OLAH: variants seen among roughly 807,000 people sequenced by gnomAD.
OLAH encodes oleoyl-ACP hydrolase, also known as S-acyl fatty acid synthase thioesterase, medium chain.
Under a neutral mutation model 27.8 loss-of-function variants are expected in OLAH, and 33 were observed. The ratio of observed to expected loss-of-function variants is 1.19; its 90% confidence interval spans 0.90 to 1.59. OLAH has a LOEUF of 1.59. Ranked by LOEUF, OLAH falls within the 40% of genes most tolerant of loss-of-function variation. OLAH has a pLI of 0.00. For missense variants in OLAH, 359 were observed against 310.8 expected (o/e 1.16, Z -1.17); for synonymous variants, 120 against 102.9 (o/e 1.17, Z -1.01).
intron 6 of OLAH, among the ~76,000 whole-genome samples, chr10:15,070,581 T>C (rs1844564256): frequency 6.6e-6 from 1 of 151,724 alleles, no homozygotes; most frequent in South Asian, 2.1e-4. Flanking sequence ...GCCTTCCAGG[T>C]TCAAGGGATT....
At chr10:15,061,658 C>T in intron 3 of OLAH, 66 bp from the exon 4 acceptor site, 1 of 1,415,896 alleles carries the variant, frequency 7.1e-7, no homozygotes, top group Non-Finnish European at 9.3e-7. Flanking sequence ...AATATGAGCC[C>T]TTTTATAACA....
rs558312045 is a variant in OLAH, at chr10:15,073,477, C to T, written c.*248C>T. The T allele has an allele frequency of 2.6e-5, 8 of 301,898 alleles. No homozygotes were observed. Among genetic ancestry groups the T allele is most frequent in the Admixed American group, 1.5e-4 (3 of 19,626 alleles). 18.7% of individuals were successfully genotyped at this position (301,898 alleles called of 1,614,324 possible). ...AGATCGAGACCGTCCTGGCTAACACCGTGAAACCCCATCTCTACTAAAAAT... is the reference window on the plus strand; with the variant it reads ...AGATCGAGACCGTCCTGGCTAACACTGTGAAACCCCATCTCTACTAAAAAT... On this transcript the variant is annotated 3_prime_UTR_variant, in exon 8 of 8. Coordinates refer to ENST00000378228, the MANE Select transcript of OLAH (RefSeq NM_001039702.3).
In OLAH at chr10:15,032,650, G is replaced by A. The variant is rs7922883; in HGVS notation, c.-164+300G>A. ...AAAAAAAAAAAAAAAGAAAAACATC[G>A]CACAGGGAATTCTATAACTTGTTTT... On this transcript the variant is annotated intron_variant, in intron 1 of 3. Transcript: ENST00000413672. Among the ~76,000 whole-genome samples the A allele has an allele frequency of 3.7e-3, 558 of 148,900 alleles. 3 individuals carry two copies. Among genetic ancestry groups the A allele is most frequent in the South Asian group, 0.012 (58 of 4,780 alleles).
intron 2 of OLAH, 50 bp downstream of exon 2, chr10:15,047,370 G>A (rs1490602484): frequency 8.3e-6 from 13 of 1,573,612 alleles, no homozygotes; most frequent in East Asian, 2.3e-5. Flanking sequence ...CAGGGGCTCC[G>A]ATACCCTGCC....
In OLAH at chr10:15,064,386, T is replaced by C; in HGVS notation, c.303-17T>C. The C allele has an allele frequency of 6.6e-7, 1 of 1,504,776 alleles. No homozygotes were observed. Among genetic ancestry groups the C allele is most frequent in the Non-Finnish European group, 9.2e-7 (1 of 1,091,818 alleles). 93.2% of individuals were successfully genotyped at this position (1,504,776 alleles called of 1,614,324 possible). A position where few individuals can be genotyped will look rare whatever the true frequency, so the allele number is the denominator to read the frequency against. On this transcript the variant is annotated splice_polypyrimidine_tract_variant and intron_variant, in intron 4 of 7. Coordinates refer to ENST00000378228, the MANE Select transcript of OLAH (RefSeq NM_001039702.3). ...TTGCTTAACAGTTCTTGTCATGTTTTTCTTTGCTGAATTTAGTATGGGATC... is the reference window on the plus strand; with the variant it reads ...TTGCTTAACAGTTCTTGTCATGTTTCTCTTTGCTGAATTTAGTATGGGATC...
chr10:15,032,557 G>T (rs913129572), intron 1 of OLAH, among the ~76,000 whole-genome samples: 37 of 147,758 alleles, frequency 2.5e-4, no homozygotes, highest in Non-Finnish European at 3.7e-4. Context: ...GGAGGCAAAG[G>T]TTCCAGTAAA....
chr10:15,033,982 A>C (rs1843798455), intron 1 of OLAH, among the ~76,000 whole-genome samples: 1 of 152,130 alleles, frequency 6.6e-6, no homozygotes, highest in African/African-American at 2.4e-5. Flanking sequence ...GAGGGAAAAG[A>C]GACTGATGGG....
At chr10:15,034,791 C>T (rs1206070497) in intron 1 of OLAH, among the ~76,000 whole-genome samples, 1 of 135,150 alleles carries the variant, frequency 7.4e-6, no homozygotes, top group Non-Finnish European at 1.6e-5. Context: ...TTCATTTTTT[C>T]TTTTCTTTCT....
chr10:15,058,248 G>C (rs60609603), intron 3 of OLAH, among the ~76,000 whole-genome samples: 230 of 152,098 alleles, frequency 1.5e-3, no homozygotes, highest in African/African-American at 4.9e-3. Flanking sequence ...CACCATGCTT[G>C]GTTAATTTTT....
rs757504333 is a variant in OLAH, at chr10:15,065,666, C to G, written c.485C>G (p.Thr162Ser). The G allele has an allele frequency of 1.2e-6, 2 of 1,613,780 alleles. No homozygotes were observed. Among genetic ancestry groups the G allele is most frequent in the African/African-American group, 2.7e-5 (2 of 74,896 alleles). Residue 162 changes from threonine (T) to serine (S), a missense_variant, in exon 6 of 8, where the codon ACC becomes AGC. Thr to Ser is a moderately conservative substitution (Grantham distance 58). Transcript: ENST00000378228. Reference sequence around the variant, plus strand: ...CATTACCTTATGGAATTTGGAGGCACCCCCAAGCATTTTGCTGAAGCCAAG... The same window carrying G: ...CATTACCTTATGGAATTTGGAGGCAGCCCCAAGCATTTTGCTGAAGCCAAG... ...ISHYLMEFGG[T>S]PKHFAEAKEF... is the part of the protein sequence containing the mutation.
Position 15,071,877 on chromosome 10 carries a change from G to A in OLAH, c.655G>A (p.Ala219Thr), listed in dbSNP as rs141112464. 6.2e-7 allele frequency: 1 copy of A among 1,606,318 alleles called. No homozygotes were observed. The highest frequency in any genetic ancestry group is 2.2e-5 in the East Asian group (1 of 44,840). ...TGAAGACATAGCAAAGGACATGGAA[G>A]GTGAAATTATTTTTAGTCTCGAGTA... is the stretch of plus-strand genomic sequence containing the variant. ...GSEDIAKDMEAWKDVTSGNAK... is the reference protein window; with the variant it reads ...GSEDIAKDMETWKDVTSGNAK... The change falls in exon 7 of 8, where the codon GCC becomes ACC. Residue 219 changes from alanine to threonine, a missense_variant and splice_region_variant. Transcript: ENST00000378228.
upstream of OLAH, among the ~76,000 whole-genome samples, chr10:15,041,637 T>G (rs1275162548): frequency 8.6e-5 from 13 of 151,540 alleles, no homozygotes; most frequent in Non-Finnish European, 2.9e-5. Context: ...GTGCAGTGGC[T>G]TGATCTCGGC....
intron 1 of OLAH, among the ~76,000 whole-genome samples, chr10:15,033,459 G>A (rs1042149232): frequency 6.6e-6 from 1 of 152,022 alleles, no homozygotes; most frequent in Non-Finnish European, 1.5e-5. Flanking sequence ...GAAAGAAGAA[G>A]AGAAGGAGGA....
intron 6 of OLAH, among the ~76,000 whole-genome samples, chr10:15,070,780 CTTTTTTTT>C (rs71390010): frequency 1.0e-5 from 1 of 99,942 alleles, no homozygotes. Flanking sequence ...CACGCCTGAA[CTTTTTTTT>C]TTTTTTTTTT....
At chr10:15,040,097 CT>C (rs1290254244), upstream of OLAH, among the ~76,000 whole-genome samples, 1 of 152,160 alleles carries the variant, frequency 6.6e-6, no homozygotes, top group African/African-American at 2.4e-5. Context: ...TATGGACTTA[CT>C]CTTTGTCCCC....
intron 3 of OLAH, among the ~76,000 whole-genome samples, chr10:15,057,660 A>C (rs1844273507): frequency 6.6e-6 from 1 of 151,954 alleles, no homozygotes; most frequent in African/African-American, 2.4e-5. Flanking sequence ...TGCTGGAATT[A>C]TGGGCATGAG....
intron 1 of OLAH, 99 bp downstream of exon 1, chr10:15,044,085 T>G (rs1207706726): frequency 6.6e-6 from 1 of 152,218 alleles, no homozygotes; most frequent in African/African-American, 2.4e-5. Flanking sequence ...TCTTTTAATC[T>G]AATCTGCGAA....
At chr10:15,046,654 AT>A (rs1844024041) in intron 1 of OLAH, among the ~76,000 whole-genome samples, 1 of 151,882 alleles carries the variant, frequency 6.6e-6, no homozygotes, top group South Asian at 2.1e-4. Context: ...TTTAGTAGAG[AT>A]GGGGGTTTCA....
chr10:15,032,716 T>C (rs979053930), intron 1 of OLAH, among the ~76,000 whole-genome samples: 1 of 152,104 alleles, frequency 6.6e-6, no homozygotes, highest in Non-Finnish European at 1.5e-5. Context: ...TAGCGGTTTA[T>C]TCTTGGCCAG....
Sources: allele counts gnomAD v4.1 joint callset (sites outside exome capture counted in the v4.1 genomes callset), GRCh38; gene constraint gnomAD v4.1.1; transcripts MANE v1.5; gene names NCBI Gene and HGNC (gene_info 2026-07-23, HGNC 2026-07-21).